Variants in METTL15 observed in about 807,000 individuals in gnomAD.
METTL15 encodes the protein 12S rRNA N(4)-cytidine methyltransferase METTL15.
Under a neutral mutation model 38.3 loss-of-function variants are expected in METTL15, and 34 were observed. The ratio of observed to expected loss-of-function variants is 0.89; its 90% CI spans 0.68 to 1.18. The LOEUF is 1.18. Among genes scored for constraint, METTL15 ranks in the 50% most tolerant of loss-of-function variants. The pLI is 0.00. For missense variants in METTL15, 438 were observed against 498.4 expected, an observed-to-expected ratio of 0.88 and a Z score of 1.15; for synonymous variants, 162 against 170.9, an observed-to-expected ratio of 0.95 and a Z score of 0.41.
At chr11:28,431,720 A>G (rs1202717417) in intron 6 of METTL15, among the ~76,000 whole-genome samples, 5 of 90,896 alleles carry the variant, frequency 5.5e-5, no homozygotes, top group African/African-American at 1.3e-4. Context: ...TCCCTCCACT[A>G]TTGTCCCATG....
intron 3 of METTL15, among the ~76,000 whole-genome samples, chr11:28,177,286 A>G (rs1303527357): frequency 6.6e-6 from 1 of 152,066 alleles, no homozygotes; most frequent in Non-Finnish European, 1.5e-5. Flanking sequence ...TCCATCAGTG[A>G]ATAAGGCTTC....
chr11:28,461,642 C>CAA (rs201139308), intron 6 of METTL15, among the ~76,000 whole-genome samples: 1 of 149,720 alleles, frequency 6.7e-6, no homozygotes, highest in Non-Finnish European at 1.5e-5. Context: ...CAGAGAATTA[C>CAA]AAAAAAAAAG....
At chr11:28,327,765 GA>G (rs1849685334) in intron 6 of METTL15, 1 of 217,680 alleles carries the variant, frequency 4.6e-6, no homozygotes, top group African/African-American at 2.4e-5. Flanking sequence ...GGTTATTTCA[GA>G]TACTATTTTG....
At chr11:28,234,300 A>C (rs1000920239) in intron 4 of METTL15, among the ~76,000 whole-genome samples, 6 of 152,024 alleles carry the variant, frequency 3.9e-5, no homozygotes, top group African/African-American at 7.2e-5. Context: ...CATGATTTAT[A>C]GTCCTTTGGG....
At chr11:28,297,841 G>T (rs1856793229) in intron 6 of METTL15, among the ~76,000 whole-genome samples, 1 of 151,718 alleles carries the variant, frequency 6.6e-6, no homozygotes, top group Non-Finnish European at 1.5e-5. Flanking sequence ...AGGAATATTT[G>T]TGTAACTTAT....
At position 28,237,633 on chromosome 11, in the gene METTL15, C is replaced by T. The variant is rs577446706; in HGVS notation, c.407+26435C>T. On this transcript the variant is annotated intron_variant, in intron 4 of 6. Transcript: ENST00000407364. ...AGTCATTCTCCGTCCAGCTTTGTTC[C>T]GTTGCTGGTGAGGAACTGCGTTCCT... 6.6e-4 allele frequency among the ~76,000 whole-genome samples: 101 copies of T among 152,272 alleles called. 1 individual carries two copies. Among genetic ancestry groups the T allele is most frequent in the African/African-American group, 2.3e-3 (97 of 41,550 alleles).
At chr11:28,525,304 G>C (rs1851800852) in intron 6 of METTL15, among the ~76,000 whole-genome samples, 1 of 152,126 alleles carries the variant, frequency 6.6e-6, no homozygotes, top group African/African-American at 2.4e-5. Flanking sequence ...ACAGAGAGCG[G>C]GAGTGGTCTG....
At chr11:28,439,370 T>G (rs1353058552) in intron 6 of METTL15, among the ~76,000 whole-genome samples, 1 of 152,204 alleles carries the variant, frequency 6.6e-6, no homozygotes, top group African/African-American at 2.4e-5. Context: ...ATGCTGAGCA[T>G]GTACCCAGGA....
At chr11:28,243,566 A>G (rs1555013207) in intron 4 of METTL15, among the ~76,000 whole-genome samples, 1 of 152,136 alleles carries the variant, frequency 6.6e-6, no homozygotes, top group Non-Finnish European at 1.5e-5. Context: ...TTCTTTGCCA[A>G]TGTTGCGGCA....
intron 4 of METTL15, among the ~76,000 whole-genome samples, chr11:28,243,349 G>T (rs1319342371): frequency 6.6e-6 from 1 of 152,124 alleles, no homozygotes; most frequent in East Asian, 1.9e-4. Context: ...AGAAGTTCAT[G>T]CAGTGTAATA....
At chr11:28,390,002 A>G (rs1850485632) in intron 5 of METTL15, among the ~76,000 whole-genome samples, 1 of 151,742 alleles carries the variant, frequency 6.6e-6, no homozygotes, top group Non-Finnish European at 1.5e-5. Context: ...GCATTTTTTC[A>G]TGTGTCTTTT....
intron 3 of METTL15, among the ~76,000 whole-genome samples, chr11:28,137,255 A>T (rs1399839426): frequency 2.6e-5 from 4 of 152,224 alleles, no homozygotes; most frequent in Admixed American, 6.5e-5. Flanking sequence ...CTTTTGGAAG[A>T]TTAATTTTTA....
chr11:28,434,501 G>T (rs1850964290), intron 6 of METTL15, among the ~76,000 whole-genome samples: 1 of 152,126 alleles, frequency 6.6e-6, no homozygotes, highest in Non-Finnish European at 1.5e-5. Context: ...CCATCTGTTT[G>T]TAAATTTAGA....
At chr11:28,380,749 G>T (rs1203355265) in intron 5 of METTL15, among the ~76,000 whole-genome samples, 3 of 152,000 alleles carry the variant, frequency 2.0e-5, no homozygotes, top group Admixed American at 6.6e-5. Context: ...AAAAAGAATG[G>T]AAATATACAA....
chr11:28,343,025 A>T (rs542377078), intron 3 of METTL15, among the ~76,000 whole-genome samples: 4 of 152,154 alleles, frequency 2.6e-5, no homozygotes, highest in Non-Finnish European at 5.9e-5. Flanking sequence ...GAATTTATGT[A>T]TATTCTTTAT....
chr11:28,294,106 G>A (rs911869929), intron 5 of METTL15, among the ~76,000 whole-genome samples: 2 of 152,164 alleles, frequency 1.3e-5, no homozygotes, highest in African/African-American at 4.8e-5. Flanking sequence ...AATAGGAGTG[G>A]TGAGAGAGGG....
chr11:28,529,836 G>T (rs558053408), downstream of METTL15, among the ~76,000 whole-genome samples: 1 of 152,112 alleles, frequency 6.6e-6, no homozygotes, highest in Non-Finnish European at 1.5e-5. Context: ...CTGAACATGG[G>T]TAAGTATGTA....
At chr11:28,181,836 G>T (rs1447397065) in intron 3 of METTL15, among the ~76,000 whole-genome samples, 1 of 152,086 alleles carries the variant, frequency 6.6e-6, no homozygotes, top group African/African-American at 2.4e-5. Flanking sequence ...TCATCATACT[G>T]TCTTCCACAA....
chr11:28,145,807 T>C (rs1204175014), intron 3 of METTL15: 1 of 152,132 alleles, frequency 6.6e-6, no homozygotes, highest in Non-Finnish European at 1.5e-5. Flanking sequence ...TTTTGAAGAA[T>C]CATTTAAAGC....
Sources: allele counts gnomAD v4.1 joint callset (sites outside exome capture counted in the v4.1 genomes callset), GRCh38; gene constraint gnomAD v4.1.1; transcripts MANE v1.5; gene names NCBI Gene and HGNC (gene_info 2026-07-23, HGNC 2026-07-21).